RASGRF1: variants seen among roughly 807,000 people sequenced by gnomAD.
RASGRF1 encodes the protein Ras protein specific guanine nucleotide releasing factor 1.
A neutral mutation model predicts 138.7 loss-of-function variants in RASGRF1; 40 were observed. The observed-to-expected ratio is 0.29, with a 90% CI of 0.22 to 0.38. The LOEUF is 0.38. Ranked by LOEUF, RASGRF1 falls within the 10% of genes least tolerant of loss-of-function variation. The probability of loss-of-function intolerance (pLI) is 1.00; values close to 1 mark genes in which losing one functional copy is unlikely to be tolerated. For missense variants in RASGRF1, 1,108 were observed against 1,650.4 expected (o/e 0.67, Z 5.69); for synonymous variants, 614 against 663.2 (o/e 0.93, Z 1.14).
chr15:78,970,621 C>CAA (rs55689628), intron 26 of RASGRF1, among the ~76,000 whole-genome samples: 136 of 57,556 alleles, frequency 2.4e-3, no homozygotes, highest in Middle Eastern at 0.011. Context: ...GACTCTGTCT[C>CAA]AAAAAAAAAA....
intron 1 of RASGRF1, among the ~76,000 whole-genome samples, chr15:79,080,827 A>G (rs1184507980): frequency 3.3e-5 from 5 of 152,238 alleles, no homozygotes; most frequent in Non-Finnish European, 5.9e-5. Context: ...AATGTCCACT[A>G]GACCTAGAAC....
At chr15:78,983,465 G>A (rs796701241) in intron 23 of RASGRF1, among the ~76,000 whole-genome samples, 2 of 152,328 alleles carry the variant, frequency 1.3e-5, no homozygotes, top group African/African-American at 4.8e-5. Context: ...CCAACTCCAT[G>A]AGGAGGGCAA....
At chr15:79,021,313 C>G (rs1183543799) in intron 10 of RASGRF1, among the ~76,000 whole-genome samples, 1 of 152,212 alleles carries the variant, frequency 6.6e-6, no homozygotes, top group East Asian at 1.9e-4. Context: ...TGTGACTAAT[C>G]TATATATGAA....
intron 26 of RASGRF1, among the ~76,000 whole-genome samples, chr15:78,968,250 A>ATGTGTG (rs10529968): frequency 0.031 from 4,131 of 134,282 alleles, 123 homozygotes; most frequent in African/African-American, 0.071. Flanking sequence ...CATGACACTG[A>ATGTGTG]TGTGTGTGTG....
intron 4 of RASGRF1, among the ~76,000 whole-genome samples, chr15:79,047,612 C>T (rs1342274946): frequency 6.6e-6 from 1 of 152,178 alleles, no homozygotes; most frequent in Non-Finnish European, 1.5e-5. Context: ...CTAGTGCCTG[C>T]CTGGAGCCTC....
At chr15:79,017,592 T>C (rs1467824888) in intron 12 of RASGRF1, among the ~76,000 whole-genome samples, 178 bp downstream of exon 12, 1 of 152,148 alleles carries the variant, frequency 6.6e-6, no homozygotes, top group African/African-American at 2.4e-5. Flanking sequence ...ACAAACGGGA[T>C]GGACTAGCTG....
chr15:79,046,561 C>T lies in RASGRF1; in HGVS notation c.878+185G>A, dbSNP rs567093321. 2.6e-4 allele frequency among the ~76,000 whole-genome samples: 40 copies of T among 152,296 alleles called. No individual in the cohort carries two copies. The East Asian group carries it at 7.5e-3, about 29-fold the overall frequency. ...ATACTTTGTGAGCCTACATTTGTGC[C>T]CCTGCCCCAGACCCCACAATTATTG... On this transcript the variant is annotated intron_variant, in intron 5 of 26. Coordinates refer to ENST00000558480, the MANE Select transcript of RASGRF1 (RefSeq NM_001145648.3). This position sits in a 1 kb window ranked among gnomAD's most constrained non-coding sequence, Gnocchi z 5.3.
At chr15:79,016,701 T>G (rs1781369698) in intron 12 of RASGRF1, among the ~76,000 whole-genome samples, 1 of 152,164 alleles carries the variant, frequency 6.6e-6, no homozygotes, top group Admixed American at 6.5e-5. Context: ...GCACGTGCCA[T>G]GCATCATCCC....
At chr15:79,081,788 G>C (rs1299613186) in intron 1 of RASGRF1, among the ~76,000 whole-genome samples, 4 of 152,180 alleles carry the variant, frequency 2.6e-5, no homozygotes, top group African/African-American at 9.6e-5. Context: ...GGAGGCATAG[G>C]CCTGGCCCCT....
rs765834230 is a variant in RASGRF1 at position 78,959,989 on chromosome 15, C to A, written c.*2155G>T. Reference sequence around the variant, plus strand: ...TTTAATTCTACTCTGTAATGAGATACCATTTTCATCCCCATTTTTCAGATG... The same window carrying A: ...TTTAATTCTACTCTGTAATGAGATAACATTTTCATCCCCATTTTTCAGATG... On this transcript the variant is annotated 3_prime_UTR_variant, in exon 27 of 27. Transcript: ENST00000558480. 1 of 152,156 alleles carries A rather than the reference C, an allele frequency of 6.6e-6. No homozygotes were observed. Among genetic ancestry groups the A allele is most frequent in the Non-Finnish European group, 1.5e-5 (1 of 68,034 alleles). The allele number at this position is 152,156 out of a possible 1,614,324, so 9.4% of individuals were successfully genotyped here.
At chr15:79,011,588 C>A (rs541360623) in intron 13 of RASGRF1, among the ~76,000 whole-genome samples, 3 of 152,296 alleles carry the variant, frequency 2.0e-5, no homozygotes, top group South Asian at 2.1e-4. Context: ...TCCAGGTGAA[C>A]TGACGGCTAC....
At chr15:79,061,101 G>A (rs2057598259) in intron 2 of RASGRF1, among the ~76,000 whole-genome samples, 1 of 152,138 alleles carries the variant, frequency 6.6e-6, no homozygotes. Flanking sequence ...GCAGCCTCTA[G>A]GAACTGCCCC....
intron 1 of RASGRF1, among the ~76,000 whole-genome samples, chr15:79,088,536 G>A (rs1156993124): frequency 6.6e-6 from 1 of 152,174 alleles, no homozygotes; most frequent in African/African-American, 2.4e-5. Context: ...ACGTCCAGGG[G>A]GCTGAGAACA....
intron 5 of RASGRF1, among the ~76,000 whole-genome samples, chr15:79,036,052 C>T (rs2057217839): frequency 6.6e-6 from 1 of 152,218 alleles, no homozygotes; most frequent in Non-Finnish European, 1.5e-5. Context: ...TCCACTGCTC[C>T]CCAAGCAGCT....
At chr15:78,978,777 G>C in intron 24 of RASGRF1, 7 of 1,122,404 alleles carry the variant, frequency 6.2e-6, no homozygotes, top group Non-Finnish European at 7.7e-6. Context: ...ATTTGCCCCA[G>C]GTTTCCCCAG....
Position 78,973,559 on chromosome 15 carries a change from G to T in RASGRF1, c.3495-139C>A. 1.3e-5 allele frequency: 8 copies of T among 639,396 alleles called. No individual in the cohort carries two copies. 39.6% of individuals were successfully genotyped at this position (639,396 alleles called of 1,614,324 possible). On this transcript the variant is annotated intron_variant, in intron 24 of 26. Transcript: ENST00000558480. This position sits in a 1 kb window ranked among gnomAD's most constrained non-coding sequence, Gnocchi z 4.9. ...TCACCAAGAATCACACTACACTCTA[G>T]AACTGACTATTCTACACGCCCAGGA...
At chr15:79,038,169 A>G (rs1161265668) in intron 5 of RASGRF1, among the ~76,000 whole-genome samples, 1 of 152,190 alleles carries the variant, frequency 6.6e-6, no homozygotes, top group Non-Finnish European at 1.5e-5. Context: ...GACCCCTGAT[A>G]TATAGGATCT....
chr15:79,002,658 C>T (rs1004347395), intron 15 of RASGRF1, among the ~76,000 whole-genome samples: 3 of 152,212 alleles, frequency 2.0e-5, no homozygotes, highest in South Asian at 2.1e-4. Context: ...GACTGCCTTG[C>T]GTTACATTTC....
At chr15:78,994,025 A>C (rs1482735869) in intron 20 of RASGRF1, among the ~76,000 whole-genome samples, 1 of 152,230 alleles carries the variant, frequency 6.6e-6, no homozygotes. Flanking sequence ...GCAGCTCAGC[A>C]GCTGTTTGTT....
Sources: gnomAD v4.1 joint callset for allele counts (sites outside exome capture counted in the v4.1 genomes callset) on GRCh38, gnomAD v4.1.1 for gene constraint, Gnocchi (gnomAD v3.1) non-coding constraint, MANE v1.5 for transcripts, NCBI Gene and HGNC (gene_info 2026-07-23, HGNC 2026-07-21) for gene names.